ASB16: variants seen among roughly 807,000 people sequenced by gnomAD.
The protein encoded by ASB16 is ankyrin repeat and SOCS box containing 16.
Under a neutral mutation model 39.1 loss-of-function variants are expected in ASB16, and 44 were observed. The ratio of observed to expected loss-of-function variants is 1.13; its 90% CI spans 0.88 to 1.45. ASB16 has a LOEUF of 1.45. Ranked by LOEUF, ASB16 falls within the 40% of genes most tolerant of loss-of-function variation. The probability of loss-of-function intolerance (pLI) is 0.00; values close to 1 mark genes in which losing one functional copy is unlikely to be tolerated. For missense variants in ASB16, 698 were observed against 634.5 expected (o/e 1.10, Z -1.07); for synonymous variants, 305 against 286.7 (o/e 1.06, Z -0.64).
chr17:44,171,216 C>A, intron 1 of ASB16, 126 bp downstream of exon 1: 1 of 1,001,166 alleles, frequency 1.0e-6, no homozygotes, highest in Non-Finnish European at 1.4e-6. Context: ...CACCACCTAT[C>A]CTAGCTCCCT....
At chr17:44,176,671 T>A (rs758645271) in intron 2 of ASB16, 67 bp from the exon 3 acceptor site, 2 of 1,612,286 alleles carry the variant, frequency 1.2e-6, no homozygotes, top group South Asian at 2.2e-5. Context: ...CAAGGGAGTG[T>A]CACAGCAAGC....
chr17:44,172,431 C>A, intron 2 of ASB16, 118 bp downstream of exon 2: 1 of 1,164,382 alleles, frequency 8.6e-7, no homozygotes, highest in Non-Finnish European at 1.2e-6. Flanking sequence ...TAAAGCACCG[C>A]ATATACACAT....
chr17:44,177,050 C>A lies in ASB16; in HGVS notation c.882C>A (p.Asn294Lys), dbSNP rs528022197. 33 of 1,476,112 alleles carry A rather than the reference C, an allele frequency of 2.2e-5. No homozygotes were observed. The highest frequency in any genetic ancestry group is 2.9e-5 in the Non-Finnish European group (33 of 1,127,050). 91.4% of individuals were successfully genotyped at this position (1,476,112 alleles called of 1,614,324 possible). A position where few individuals can be genotyped will look rare whatever the true frequency, so the allele number is the denominator to read the frequency against. The change falls in exon 3 of 5, where the codon AAC becomes AAA. Residue 294 changes from asparagine to lysine, a missense_variant. Transcript: ENST00000293414. ...RHTPLHNACA[N>K]GCGGLAELLL... Reference sequence around the variant, plus strand: ...CGCCGCTGCACAACGCTTGTGCCAACGGCTGCGGGGGCCTGGCCGAGCTGC... The same window carrying A: ...CGCCGCTGCACAACGCTTGTGCCAAAGGCTGCGGGGGCCTGGCCGAGCTGC...
At chr17:44,177,318 C>G (rs1458637715) in intron 3 of ASB16, 88 bp downstream of exon 3, 1 of 1,440,046 alleles carries the variant, frequency 6.9e-7, no homozygotes, top group African/African-American at 1.4e-5. Context: ...ACAGAGGGTC[C>G]AAGAGACTGA....
At chr17:44,175,266 G>T (rs1466709223) in intron 2 of ASB16, among the ~76,000 whole-genome samples, 2 of 151,580 alleles carry the variant, frequency 1.3e-5, no homozygotes, top group Non-Finnish European at 2.9e-5. Context: ...GCCGGGCATG[G>T]TGATGGGTGC....
At position 44,178,623 on chromosome 17, in the gene ASB16, T is replaced by A. The variant is rs956438053; in HGVS notation, c.*233T>A. On this transcript the variant is annotated 3_prime_UTR_variant, in exon 5 of 5. Transcript: ENST00000293414. ...GAGTAGCTGGGACTACAGGCATGAGTCACCACACCTGGCTGATTTTGTATT... is the reference window on the plus strand; with the variant it reads ...GAGTAGCTGGGACTACAGGCATGAGACACCACACCTGGCTGATTTTGTATT... 1.2e-4 allele frequency: 65 copies of A among 549,822 alleles called. No homozygotes were observed. The highest frequency in any genetic ancestry group is 4.9e-4 in the Middle Eastern group (1 of 2,048). 34.1% of individuals were successfully genotyped at this position (549,822 alleles called of 1,614,324 possible). A position where few individuals can be genotyped will look rare whatever the true frequency, so the allele number is the denominator to read the frequency against.
rs2054336135 is a variant in ASB16, at chr17:44,178,691, C to CGA, written c.*301_*302insGA. On this transcript the variant is annotated 3_prime_UTR_variant, in exon 5 of 5. Coordinates refer to ENST00000293414, the MANE Select transcript of ASB16 (RefSeq NM_080863.5). ...CTCACCATGTTGGCCAGGCTGGTCT[C>CGA]ACACTGACCTCAGGTGATCCACCCG... 2.5e-6 allele frequency: 1 copy of CGA among 396,120 alleles called. No homozygotes were observed. The highest frequency in any genetic ancestry group is 2.1e-5 in the African/African-American group (1 of 48,218). 24.5% of individuals were successfully genotyped at this position (396,120 alleles called of 1,614,324 possible).
chr17:44,172,950 A>G (rs2054254401), intron 2 of ASB16, among the ~76,000 whole-genome samples: 1 of 149,220 alleles, frequency 6.7e-6, no homozygotes, highest in South Asian at 2.2e-4. Context: ...ATTAAGAAAG[A>G]TCTGGCCAGG....
rs749587409 is a variant in ASB16 at position 44,176,928 on chromosome 17, G to T, written c.760G>T (p.Ala254Ser). 2.6e-6 allele frequency: 4 copies of T among 1,541,490 alleles called. No homozygotes were observed. The highest frequency in any genetic ancestry group is 2.6e-6 in the Non-Finnish European group (3 of 1,153,824). ...ETALNTACAGAEGPGSCRRHQ... is the reference protein window; with the variant it reads ...ETALNTACAGSEGPGSCRRHQ... ...TGCGCTGAACACGGCGTGCGCTGGG[G>T]CCGAGGGCCCAGGTAGCTGCAGGCG... The change falls in exon 3 of 5, where the codon GCC becomes TCC. Residue 254 changes from alanine (A) to serine (S), a missense_variant. Physicochemically the swap from Ala to Ser is moderately conservative, Grantham distance 99. Coordinates refer to ENST00000293414, the MANE Select transcript of ASB16 (RefSeq NM_080863.5).
intron 2 of ASB16, among the ~76,000 whole-genome samples, chr17:44,173,509 G>A (rs1049422892): frequency 1.3e-5 from 2 of 151,142 alleles, no homozygotes; most frequent in Admixed American, 6.6e-5. Context: ...TTTGGGCAAC[G>A]TAAGTGAGGT....
At position 44,177,068 on chromosome 17, in the gene ASB16, C is replaced by T. The variant is rs926436702; in HGVS notation, c.900C>T (p.Ala300=). The change falls in exon 3 of 5, where the codon GCC becomes GCT. Residue 300 remains alanine (A), a synonymous_variant. Coordinates refer to ENST00000293414, the MANE Select transcript of ASB16 (RefSeq NM_080863.5). ...NACANGCGGL[A]ELLLRYGARA... ...GTGCCAACGGCTGCGGGGGCCTGGCCGAGCTGCTGCTGCGTTACGGGGCCC... is the reference window on the plus strand; with the variant it reads ...GTGCCAACGGCTGCGGGGGCCTGGCTGAGCTGCTGCTGCGTTACGGGGCCC... 1.4e-6 allele frequency: 2 copies of T among 1,472,334 alleles called. No individual in the cohort carries two copies. Among genetic ancestry groups the T allele is most frequent in the East Asian group, 2.7e-5 (1 of 36,668 alleles). The allele number at this position is 1,472,334 out of a possible 1,614,324, so 91.2% of individuals were successfully genotyped here.
intron 2 of ASB16, chr17:44,175,975 TA>T (rs776006882): frequency 3.0e-4 from 46 of 152,176 alleles, no homozygotes; most frequent in Non-Finnish European, 5.0e-4. Context: ...AACTTGTATT[TA>T]TTTTTTTTTG....
chr17:44,171,914 C>G, intron 1 of ASB16, 132 bp from the exon 2 acceptor site: 2 of 903,096 alleles, frequency 2.2e-6, no homozygotes, highest in East Asian at 2.7e-5. Flanking sequence ...ACAGGTACAG[C>G]CTGGCAGTGT....
intron 2 of ASB16, among the ~76,000 whole-genome samples, chr17:44,173,877 A>AT (rs994071995): frequency 1.7e-4 from 26 of 148,948 alleles, no homozygotes; most frequent in African/African-American, 4.7e-4. Flanking sequence ...ACAGGGCTAG[A>AT]TTTTTTTTTT....
In ASB16 at chr17:44,176,870, C is replaced by T. The variant is rs763351913; in HGVS notation, c.702C>T (p.Ala234=). ...TGGCTCTGTACCTGGAGCATGGCGC[C>T]GACGTGGGCCTGCGCACCAGCCAGG... ...QHVALYLEHG[A]DVGLRTSQGE... Residue 234 remains alanine (A), a synonymous_variant, in exon 3 of 5, where the codon GCC becomes GCT. Coordinates refer to ENST00000293414, the MANE Select transcript of ASB16 (RefSeq NM_080863.5). 2 of 1,606,848 alleles carry T rather than the reference C, an allele frequency of 1.2e-6. No individual in the cohort carries two copies. The highest frequency in any genetic ancestry group is 1.3e-5 in the African/African-American group (1 of 74,680).
intron 1 of ASB16, among the ~76,000 whole-genome samples, chr17:44,171,291 C>A (rs1382647848): frequency 1.3e-5 from 2 of 152,114 alleles, no homozygotes; most frequent in Non-Finnish European, 2.9e-5. Flanking sequence ...GTTGACCGGG[C>A]ACAGTGGCTC....
Position 44,172,071 on chromosome 17 carries a change from C to G in ASB16, c.327C>G (p.Thr109=), listed in dbSNP as rs1192461775. 6.2e-7 allele frequency: 1 copy of G among 1,612,302 alleles called. No homozygotes were observed. Among genetic ancestry groups the G allele is most frequent in the Admixed American group, 1.7e-5 (1 of 59,972 alleles). Residue 109 remains threonine, a synonymous_variant, in exon 2 of 5, where the codon ACC becomes ACG. Transcript: ENST00000293414. Reference sequence around the variant, plus strand: ...GGTTCTGGGTGCTGACCCCCAAGACCAAGCAGACGGCACCCCTCGCCATCG... The same window carrying G: ...GGTTCTGGGTGCTGACCCCCAAGACGAAGCAGACGGCACCCCTCGCCATCG... ...EQGFWVLTPK[T]KQTAPLAIAT...
In ASB16 at chr17:44,172,275, G is replaced by A. The variant is rs780643047; in HGVS notation, c.531G>A (p.Thr177=). 1.1e-5 allele frequency: 18 copies of A among 1,613,462 alleles called. No homozygotes were observed. Among genetic ancestry groups the A allele is most frequent in the Non-Finnish European group, 1.4e-5 (16 of 1,180,058 alleles). Residue 177 remains threonine, a synonymous_variant, in exon 2 of 5, where the codon ACG becomes ACA. Coordinates refer to ENST00000293414, the MANE Select transcript of ASB16 (RefSeq NM_080863.5). ...AKANVLTEEG[T]TPLHLCTIPE... ...CTAATGTGCTGACTGAGGAGGGCAC[G>A]ACTCCTTTGCACCTCTGCACGATCC...
At chr17:44,175,284 C>T (rs957819355) in intron 2 of ASB16, among the ~76,000 whole-genome samples, 1 of 150,992 alleles carries the variant, frequency 6.6e-6, no homozygotes, top group African/African-American at 2.4e-5. Context: ...TGCCTGTAGT[C>T]CCAGCTACTT....
Sources: gnomAD v4.1 joint callset for allele counts (sites outside exome capture counted in the v4.1 genomes callset) on GRCh38, gnomAD v4.1.1 for gene constraint, MANE v1.5 for transcripts, NCBI Gene and HGNC (gene_info 2026-07-23, HGNC 2026-07-21) for gene names.